The following CREB1 variants were observed in gnomAD, a reference collection of about 807,000 sequenced individuals.
CREB1 encodes the protein cAMP responsive element binding protein 1, also known as cyclic AMP-responsive element-binding protein 1.
A neutral mutation model predicts 42.0 loss-of-function variants in CREB1; 2 were observed. The observed-to-expected ratio is 0.05, with a 90% CI of 0.02 to 0.15. CREB1 has a LOEUF of 0.15. Ranked by LOEUF, CREB1 falls within the 10% of genes least tolerant of loss-of-function variation. CREB1 has a pLI of 1.00. For missense variants in CREB1, 199 were observed against 388.9 expected (o/e 0.51, Z 4.11); for synonymous variants, 123 against 139.9 (o/e 0.88, Z 0.85).
At chr2:207,548,659 G>A (rs538308769) in intron 1 of CREB1, among the ~76,000 whole-genome samples, 1 of 152,230 alleles carries the variant, frequency 6.6e-6, no homozygotes, top group South Asian at 2.1e-4. Context: ...GCTGAGGCAG[G>A]AGAATCACTT....
chr2:207,586,072 A>C (rs1436465667), intron 7 of CREB1, among the ~76,000 whole-genome samples: 1 of 152,212 alleles, frequency 6.6e-6, no homozygotes, highest in African/African-American at 2.4e-5. Context: ...CACTATTTTC[A>C]AACTCAAAAG....
chr2:207,574,156 G>A (rs1394521594), intron 5 of CREB1, among the ~76,000 whole-genome samples: 1 of 152,162 alleles, frequency 6.6e-6, no homozygotes, highest in Admixed American at 6.5e-5. Context: ...TCCATGTACA[G>A]ATGTCTCAGG....
intron 3 of CREB1, chr2:207,561,248 T>A: frequency 8.2e-7 from 1 of 1,219,794 alleles, no homozygotes; most frequent in Non-Finnish European, 1.2e-6. Context: ...TTTTCCTCTA[T>A]AAACATGGAA....
chr2:207,582,255 G>T, intron 7 of CREB1: 1 of 679,310 alleles, frequency 1.5e-6, no homozygotes. Flanking sequence ...AGGCTATGCA[G>T]ATATATTCTT....
rs1479304079 is a variant in CREB1 at position 207,577,663 on chromosome 2, T to A, written c.839+8T>A. 1.9e-6 allele frequency: 3 copies of A among 1,613,506 alleles called. No individual in the cohort carries two copies. In the African/African-American group the frequency reaches 4.0e-5, roughly 22 times the overall value. On this transcript the variant is annotated splice_region_variant and intron_variant, in intron 7 of 7. Transcript: ENST00000353267. Reference sequence around the variant, plus strand: ...CCGTCTAATGAAGAACAGGTACAAATACTGCATTTACTTAGATTGTTATGT... The same window carrying A: ...CCGTCTAATGAAGAACAGGTACAAAAACTGCATTTACTTAGATTGTTATGT...
intron 7 of CREB1, chr2:207,580,855 A>G (rs774242591): frequency 1.3e-4 from 29 of 219,834 alleles, no homozygotes; most frequent in Non-Finnish European, 2.2e-4. Flanking sequence ...CCTGGGCTAG[A>G]TAGAGCAGCA....
At chr2:207,559,220 C>T (rs1156949613) in intron 2 of CREB1, 5 of 783,684 alleles carry the variant, frequency 6.4e-6, no homozygotes, top group Admixed American at 1.2e-4. Context: ...TTTGCCACTA[C>T]TCCACTCTGT....
chr2:207,573,204 C>T (rs1347182070), intron 5 of CREB1, among the ~76,000 whole-genome samples: 1 of 152,140 alleles, frequency 6.6e-6, no homozygotes. Flanking sequence ...TACTTGACTT[C>T]TGTCTTTTTA....
intron 7 of CREB1, among the ~76,000 whole-genome samples, chr2:207,595,612 G>A (rs1010671106): frequency 1.1e-4 from 17 of 152,036 alleles, no homozygotes; most frequent in African/African-American, 4.1e-4. Flanking sequence ...ACCCAGGTTG[G>A]AATGCAGGTG....
At chr2:207,582,260 A>G (rs2106625895) in intron 7 of CREB1, 3 of 669,788 alleles carry the variant, frequency 4.5e-6, no homozygotes, top group Admixed American at 2.3e-5. Context: ...ATGCAGATAT[A>G]TTCTTTTCTC....
chr2:207,541,443 G>C (rs753290576), intron 1 of CREB1, among the ~76,000 whole-genome samples: 1 of 151,554 alleles, frequency 6.6e-6, no homozygotes, highest in Non-Finnish European at 1.5e-5. Context: ...GATATGTTTC[G>C]ATAACAAATA....
At chr2:207,571,174 A>G (rs1355170561) in intron 5 of CREB1, among the ~76,000 whole-genome samples, 1 of 151,750 alleles carries the variant, frequency 6.6e-6, no homozygotes, top group African/African-American at 2.4e-5. Flanking sequence ...CTTTACTGAG[A>G]TAGTTTCCTA....
chr2:207,604,336 CTT>C lies in CREB1; in HGVS notation c.*7279_*7280del, dbSNP rs2087682125. 6.6e-6 allele frequency among the ~76,000 whole-genome samples: 1 copy of C among 152,194 alleles called. No individual in the cohort carries two copies. Among genetic ancestry groups the C allele is most frequent in the Admixed American group, 6.5e-5 (1 of 15,280 alleles). ...TTGCAAAACACAGGCCCAAGACAAA[CTT>C]AACTTCTCCCCCAAATCTTCCTTCC... On this transcript the variant is annotated 3_prime_UTR_variant, in exon 8 of 8. Coordinates refer to ENST00000353267, the MANE Select transcript of CREB1 (RefSeq NM_004379.5).
chr2:207,584,236 T>A (rs1408836063), intron 7 of CREB1, among the ~76,000 whole-genome samples: 2 of 152,188 alleles, frequency 1.3e-5, no homozygotes, highest in Admixed American at 1.3e-4. Context: ...ACTGTCCAAT[T>A]GTTTTCCAAA....
At position 207,603,429 on chromosome 2, in the gene CREB1, C is replaced by T. The variant is rs2087461350; in HGVS notation, c.*6371C>T. ...AGTCACATAAACATGCTTTTAAAAA[C>T]TCTGTAAGTCTCTTTTTTGGGGATG... is the stretch of plus-strand genomic sequence containing the variant. On this transcript the variant is annotated 3_prime_UTR_variant, in exon 8 of 8. Coordinates refer to ENST00000353267, the MANE Select transcript of CREB1 (RefSeq NM_004379.5). 4.5e-6 allele frequency: 1 copy of T among 224,306 alleles called. No individual in the cohort carries two copies. Among genetic ancestry groups the T allele is most frequent in the East Asian group, 6.5e-5 (1 of 15,440 alleles). The allele number at this position is 224,306 out of a possible 1,614,324, so 13.9% of individuals were successfully genotyped here.
intron 3 of CREB1, among the ~76,000 whole-genome samples, chr2:207,563,166 A>C (rs897493116): frequency 6.6e-6 from 1 of 152,172 alleles, no homozygotes; most frequent in African/African-American, 2.4e-5. Context: ...ATGCAGATCG[A>C]AAGGTTTGGA....
chr2:207,574,277 T>G (rs2082486608), intron 5 of CREB1, among the ~76,000 whole-genome samples: 1 of 152,242 alleles, frequency 6.6e-6, no homozygotes, highest in South Asian at 2.1e-4. Flanking sequence ...TACTTTTTTC[T>G]TACTCAGTTA....
chr2:207,531,677 ATTT>A (rs1346888249), intron 1 of CREB1, among the ~76,000 whole-genome samples: 6 of 152,178 alleles, frequency 3.9e-5, no homozygotes, highest in Non-Finnish European at 5.9e-5. Context: ...CCGAACAGTT[ATTT>A]TAGGTGGTGC....
rs1361206600 is a variant in CREB1 at position 207,597,526 on chromosome 2, A to AATT, written c.*468_*469insATT. 3 of 216,688 alleles carry AATT rather than the reference A, an allele frequency of 1.4e-5. No individual in the cohort carries two copies. Among genetic ancestry groups the AATT allele is most frequent in the Non-Finnish European group, 2.8e-5 (3 of 107,696 alleles). 13.4% of individuals were successfully genotyped at this position (216,688 alleles called of 1,614,324 possible). A position where few individuals can be genotyped will look rare whatever the true frequency, so the allele number is the denominator to read the frequency against. On this transcript the variant is annotated 3_prime_UTR_variant, in exon 8 of 8. Coordinates refer to ENST00000353267, the MANE Select transcript of CREB1 (RefSeq NM_004379.5). ...AAGAAGTGTTGATTGCCAAATTGAC[A>AATT]TGTTGTCACATTCTCATTGTGAATT... is the stretch of plus-strand genomic sequence containing the variant.
Sources: gnomAD v4.1 joint callset for allele counts (sites outside exome capture counted in the v4.1 genomes callset) on GRCh38, gnomAD v4.1.1 for gene constraint, MANE v1.5 for transcripts, NCBI Gene and HGNC (gene_info 2026-07-23, HGNC 2026-07-21) for gene names.